The following SNX29 variants were observed in gnomAD, a reference collection of about 807,000 sequenced individuals.
SNX29 encodes the protein sorting nexin-29.
SNX29 carries 78 observed loss-of-function variants against 102.1 expected under a neutral mutation model. The ratio of observed to expected loss-of-function variants is 0.76; its 90% confidence interval spans 0.64 to 0.92. The LOEUF (loss-of-function observed/expected upper bound fraction) is 0.92, where lower values mean the gene tolerates loss of function less well. Among genes scored for constraint, SNX29 ranks in the 40% least tolerant of loss-of-function variants. The pLI, the probability that SNX29 is intolerant of heterozygous loss-of-function variation, is 0.00. For synonymous variants in SNX29, 580 were observed against 414.5 expected (o/e 1.40, Z -4.85); for missense variants, 1,280 against 1,061.7 (o/e 1.21, Z -2.86).
chr16:12,324,471 G>A (rs969860595), intron 15 of SNX29, among the ~76,000 whole-genome samples: 28 of 151,944 alleles, frequency 1.8e-4, no homozygotes, highest in Non-Finnish European at 7.4e-5. Flanking sequence ...ATGGAGTCAG[G>A]CCATGTTGCC....
chr16:12,206,814 G>T (rs201359015), intron 14 of SNX29, among the ~76,000 whole-genome samples: 28 of 121,618 alleles, frequency 2.3e-4, no homozygotes, highest in Admixed American at 8.4e-4. Flanking sequence ...GAATGAGGTG[G>T]TTTTTTTTTT....
At chr16:12,125,051 T>C (rs2054146022) in intron 11 of SNX29, among the ~76,000 whole-genome samples, 1 of 152,138 alleles carries the variant, frequency 6.6e-6, no homozygotes, top group African/African-American at 2.4e-5. Context: ...GAAAATTACA[T>C]GTTCGGGAGC....
At chr16:12,328,223 C>T (rs1302535328) in intron 15 of SNX29, among the ~76,000 whole-genome samples, 1 of 152,172 alleles carries the variant, frequency 6.6e-6, no homozygotes, top group East Asian at 1.9e-4. Context: ...CTAGCTGTTG[C>T]TTTTATTATT....
chr16:12,367,614 G>A (rs1441720391), intron 16 of SNX29: 1 of 152,206 alleles, frequency 6.6e-6, no homozygotes, highest in Non-Finnish European at 1.5e-5. Context: ...CGGAGGGAGT[G>A]ATCTCATTTG....
At chr16:12,388,513 C>T (rs1033719438) in intron 16 of SNX29, among the ~76,000 whole-genome samples, 2 of 152,218 alleles carry the variant, frequency 1.3e-5, no homozygotes, top group African/African-American at 2.4e-5. Context: ...TTTTCTGCAT[C>T]TTTCCAGCTA....
At chr16:12,384,390 C>T (rs2083278457) in intron 16 of SNX29, among the ~76,000 whole-genome samples, 1 of 152,120 alleles carries the variant, frequency 6.6e-6, no homozygotes, top group African/African-American at 2.4e-5. Context: ...TTGTTACTGC[C>T]TGTCTTTTGG....
At chr16:12,470,452 C>T (rs568515485) in intron 18 of SNX29, among the ~76,000 whole-genome samples, 82 of 152,308 alleles carry the variant, frequency 5.4e-4, no homozygotes, top group Non-Finnish European at 1.1e-3. Context: ...CACTCTTGCC[C>T]GGGAACCTGG....
intron 16 of SNX29, among the ~76,000 whole-genome samples, chr16:12,359,202 C>G (rs2082231915): frequency 6.6e-6 from 1 of 152,202 alleles, no homozygotes; most frequent in South Asian, 2.1e-4. Flanking sequence ...GGACACCCAG[C>G]TGGTGTCCGC....
At chr16:12,310,419 C>T (rs1398088262) in intron 15 of SNX29, among the ~76,000 whole-genome samples, 1 of 151,800 alleles carries the variant, frequency 6.6e-6, no homozygotes, top group Non-Finnish European at 1.5e-5. Flanking sequence ...GCCAAATGGC[C>T]ATTGGCAGTG....
At chr16:12,213,570 TG>T (rs2142057043) in intron 14 of SNX29, among the ~76,000 whole-genome samples, 1 of 152,362 alleles carries the variant, frequency 6.6e-6, no homozygotes, top group South Asian at 2.1e-4. Flanking sequence ...AGGCAGTGGT[TG>T]GTGTTGTGGG....
intron 18 of SNX29, among the ~76,000 whole-genome samples, chr16:12,469,666 A>G (rs1006843356): frequency 3.9e-5 from 6 of 152,200 alleles, no homozygotes; most frequent in African/African-American, 1.4e-4. Context: ...TCCTCGGGCA[A>G]TAGAGAGCGC....
At chr16:12,496,122 G>T (rs949861755) in intron 19 of SNX29, among the ~76,000 whole-genome samples, 1 of 152,216 alleles carries the variant, frequency 6.6e-6, no homozygotes, top group African/African-American at 2.4e-5. Context: ...ACATGGAGAC[G>T]TGGAGCCTGA....
Position 12,563,017 on chromosome 16 carries a change from C to T in SNX29, c.2319-5489C>T, listed in dbSNP as rs76994243. Among the ~76,000 whole-genome samples the T allele has an allele frequency of 8.8e-3, 1,343 of 151,998 alleles. 20 individuals are homozygous for T. The highest frequency in any genetic ancestry group is 8.5e-3 in the Non-Finnish European group (577 of 68,004). On this transcript the variant is annotated intron_variant, in intron 20 of 20. Transcript: ENST00000566228. Reference sequence around the variant, plus strand: ...AACTGCTTCAATGCGCCTTTCAAACCGTGTTTACATCATTGCAAGGGCCAA... The same window carrying T: ...AACTGCTTCAATGCGCCTTTCAAACTGTGTTTACATCATTGCAAGGGCCAA...
intron 7 of SNX29, among the ~76,000 whole-genome samples, chr16:12,051,583 G>A (rs1407243099): frequency 2.0e-5 from 3 of 152,142 alleles, no homozygotes; most frequent in African/African-American, 4.8e-5. Flanking sequence ...AGCATCCTTC[G>A]CATCAAAGTG....
intron 13 of SNX29, among the ~76,000 whole-genome samples, chr16:12,144,047 A>ACT (rs1252042073): frequency 6.6e-6 from 1 of 152,172 alleles, no homozygotes; most frequent in Admixed American, 6.5e-5. Flanking sequence ...ATTCTCATTG[A>ACT]GCAGGTCTGG....
At chr16:12,370,547 G>A (rs1214793838) in intron 16 of SNX29, among the ~76,000 whole-genome samples, 11 of 152,104 alleles carry the variant, frequency 7.2e-5, no homozygotes, top group Non-Finnish European at 1.0e-4. Context: ...GTGACAGAGC[G>A]AAACTCCGTC....
At chr16:12,495,183 C>G (rs2088758122) in intron 19 of SNX29, among the ~76,000 whole-genome samples, 1 of 152,072 alleles carries the variant, frequency 6.6e-6, no homozygotes, top group African/African-American at 2.4e-5. Flanking sequence ...TTGAGTCTTG[C>G]TCTGTTGCTC....
chr16:12,269,957 T>G (rs749308339), intron 14 of SNX29, among the ~76,000 whole-genome samples: 3 of 151,930 alleles, frequency 2.0e-5, no homozygotes, highest in Non-Finnish European at 4.4e-5. Context: ...ATCTCCCAGG[T>G]TCAAGCGATT....
At chr16:12,282,537 T>A (rs2079467769) in intron 15 of SNX29, among the ~76,000 whole-genome samples, 1 of 152,176 alleles carries the variant, frequency 6.6e-6, no homozygotes, top group African/African-American at 2.4e-5. Context: ...TAACATTGAA[T>A]AGAAGGCCAG....
Sources: allele counts gnomAD v4.1 joint callset (sites outside exome capture counted in the v4.1 genomes callset), GRCh38; gene constraint gnomAD v4.1.1; transcripts MANE v1.5; gene names NCBI Gene and HGNC (gene_info 2026-07-23, HGNC 2026-07-21).